The following DIXDC1 variants were observed in gnomAD, a reference collection of about 807,000 sequenced individuals.
DIXDC1 encodes the protein DIX domain containing 1.
Under a neutral mutation model 103.1 loss-of-function variants are expected in DIXDC1, and 64 were observed. The ratio of observed to expected loss-of-function variants is 0.62; its 90% CI spans 0.51 to 0.76. The LOEUF (loss-of-function observed/expected upper bound fraction) is 0.76. Ranked by LOEUF, DIXDC1 falls within the 30% of genes least tolerant of loss-of-function variation. The pLI, the probability that DIXDC1 is intolerant of heterozygous loss-of-function variation, is 0.00. For missense variants in DIXDC1, 759 were observed against 834.2 expected, an observed-to-expected ratio of 0.91 and a Z score of 1.11; for synonymous variants, 266 against 298.5, an observed-to-expected ratio of 0.89 and a Z score of 1.12.
rs587775641 is a variant in DIXDC1 at position 111,979,213 on chromosome 11, G to A, written c.657-1524G>A. On this transcript the variant is annotated intron_variant, in intron 5 of 19. Transcript: ENST00000440460. The stretch of plus-strand genomic sequence containing the variant: ...GCAAAGCCCCTAAAATACGGACAGT[G>A]AGGAGGATGAGACACTAGTCCTCAG... Among the ~76,000 whole-genome samples, 15 of 152,336 alleles carry A rather than the reference G, an allele frequency of 9.8e-5. No individual in the cohort carries two copies. In the South Asian group the frequency reaches 3.1e-3, roughly 32 times the overall value.
At chr11:111,992,273 C>T (rs781009596) in intron 10 of DIXDC1, 142 bp from the exon 11 acceptor site, 6 of 678,770 alleles carry the variant, frequency 8.8e-6, no homozygotes, top group Middle Eastern at 4.1e-4. Context: ...CTCAGCAACT[C>T]GTGGCAAGAC....
At chr11:111,932,058 G>T (rs1555167720) in intron 2 of DIXDC1, among the ~76,000 whole-genome samples, 1 of 129,090 alleles carries the variant, frequency 7.7e-6, no homozygotes, top group South Asian at 2.5e-4. Flanking sequence ...TTGAGACAGA[G>T]TCTCACTCTG....
intron 17 of DIXDC1, among the ~76,000 whole-genome samples, chr11:112,008,607 T>C (rs1315715089): frequency 6.6e-6 from 1 of 152,200 alleles, no homozygotes. Flanking sequence ...ACAAACTGTC[T>C]CTCAGACCAC....
Position 111,964,466 on chromosome 11 carries a change from C to CA in DIXDC1, c.61-82dup, listed in dbSNP as rs1859663911. ...TATGGGTTGTTTATTATACCCCAGT[C>CA]ACAAACGCTTCCTCAGAGGGTATGA... On this transcript the variant is annotated intron_variant, in intron 1 of 19. Coordinates refer to ENST00000440460, the MANE Select transcript of DIXDC1 (RefSeq NM_001037954.4). 7 of 1,506,238 alleles carry CA rather than the reference C, an allele frequency of 4.6e-6. No homozygotes were observed. The African/African-American group carries it at 7.0e-5, about 15-fold the overall frequency. 93.3% of individuals were successfully genotyped at this position (1,506,238 alleles called of 1,614,324 possible).
chr11:111,981,184 A>G (rs1183788206), intron 6 of DIXDC1, among the ~76,000 whole-genome samples: 2 of 152,226 alleles, frequency 1.3e-5, no homozygotes, highest in Non-Finnish European at 2.9e-5. Context: ...AAATAATTGC[A>G]GGACTTACAT....
At chr11:111,961,315 G>A (rs1859570018) in intron 1 of DIXDC1, among the ~76,000 whole-genome samples, 1 of 152,194 alleles carries the variant, frequency 6.6e-6, no homozygotes, top group Admixed American at 6.6e-5. Context: ...ATTTATTTAG[G>A]CAGCAGTGTG....
In DIXDC1 at chr11:111,998,190, C is replaced by CA. The variant is rs1482923502; in HGVS notation, c.1756+2045dup. Reference sequence around the variant, plus strand: ...CTTTCTTCTTCTTCAGTTTCAGTGTCATTCAGATATTCATTTAACATATTT... The same window carrying CA: ...CTTTCTTCTTCTTCAGTTTCAGTGTCAATTCAGATATTCATTTAACATATTT... On this transcript the variant is annotated intron_variant, in intron 17 of 19. Transcript: ENST00000440460. This position sits in a 1 kb window ranked among gnomAD's most constrained non-coding sequence, Gnocchi z 4.1. Among the ~76,000 whole-genome samples the CA allele has an allele frequency of 6.6e-6, 1 of 152,162 alleles. No individual in the cohort carries two copies. The highest frequency in any genetic ancestry group is 1.5e-5 in the Non-Finnish European group (1 of 68,032).
intron 17 of DIXDC1, among the ~76,000 whole-genome samples, chr11:112,014,888 CTT>C (rs200874690): frequency 9.0e-5 from 13 of 144,258 alleles, no homozygotes; most frequent in Non-Finnish European, 4.6e-5. Context: ...AATTGGCATT[CTT>C]TTTTTTTTTT....
chr11:111,975,797 CTATT>C, intron 5 of DIXDC1: 1 of 985,316 alleles, frequency 1.0e-6, no homozygotes, highest in Non-Finnish European at 1.2e-6. Flanking sequence ...TTTCTTCCTC[CTATT>C]TTTTTCTCAT....
intron 3 of DIXDC1, among the ~76,000 whole-genome samples, chr11:111,972,673 G>T (rs587712674): frequency 1.3e-5 from 2 of 152,284 alleles, no homozygotes; most frequent in South Asian, 4.1e-4. Flanking sequence ...TGCCTATGCT[G>T]AACTTCTTTC....
At chr11:111,966,228 C>CTTT (rs71060203) in intron 2 of DIXDC1, among the ~76,000 whole-genome samples, 91 of 91,642 alleles carry the variant, frequency 9.9e-4, no homozygotes, top group East Asian at 1.7e-3. Context: ...TTTTTTTTTC[C>CTTT]TTTTTTTTTT....
At chr11:111,999,787 AC>A (rs1395702353) in intron 17 of DIXDC1, among the ~76,000 whole-genome samples, 1 of 151,600 alleles carries the variant, frequency 6.6e-6, no homozygotes, top group Non-Finnish European at 1.5e-5. Flanking sequence ...ATCACTTGAA[AC>A]CGGGAGGCAG....
intron 3 of DIXDC1, 93 bp downstream of exon 3, chr11:111,968,731 T>C (rs1859815550): frequency 2.3e-6 from 3 of 1,282,886 alleles, no homozygotes; most frequent in African/African-American, 1.5e-5. Context: ...TGGGGGAAGA[T>C]AGAAAGTCTC....
In DIXDC1 at chr11:112,019,128, G is replaced by A; in HGVS notation, c.*92G>A. On this transcript the variant is annotated 3_prime_UTR_variant, in exon 20 of 20. Coordinates refer to ENST00000440460, the MANE Select transcript of DIXDC1 (RefSeq NM_001037954.4). ...AACTAAAACCAGAATACACTAAGAAGTTTCTAGTTTGTGTGCCAAAACAGA... is the reference window on the plus strand; with the variant it reads ...AACTAAAACCAGAATACACTAAGAAATTTCTAGTTTGTGTGCCAAAACAGA... The A allele has an allele frequency of 9.1e-7, 1 of 1,099,102 alleles. No individual in the cohort carries two copies. Among genetic ancestry groups the A allele is most frequent in the Non-Finnish European group, 1.3e-6 (1 of 750,606 alleles). 68.1% of individuals were successfully genotyped at this position (1,099,102 alleles called of 1,614,324 possible). A position where few individuals can be genotyped will look rare whatever the true frequency, so the allele number is the denominator to read the frequency against.
chr11:111,996,168 G>T, intron 17 of DIXDC1, 22 bp downstream of exon 17: 4 of 1,605,064 alleles, frequency 2.5e-6, no homozygotes, highest in Non-Finnish European at 3.4e-6. Flanking sequence ...TTTTTGCTCA[G>T]TAGGGACTCC....
rs587647890 is a variant in DIXDC1 at position 111,975,362 on chromosome 11, C to T, written c.656+379C>T. The T allele has an allele frequency of 2.2e-5, 23 of 1,062,180 alleles. No individual in the cohort carries two copies. The East Asian group carries it at 1.4e-3, about 64-fold the overall frequency. The allele number at this position is 1,062,180 out of a possible 1,614,324, so 65.8% of individuals were successfully genotyped here. Reference sequence around the variant, plus strand: ...TTGAGCCTAAGTGTAACTCTTAAGGCCGGAAAAGTCTGTGTAAAGCTCATA... The same window carrying T: ...TTGAGCCTAAGTGTAACTCTTAAGGTCGGAAAAGTCTGTGTAAAGCTCATA... On this transcript the variant is annotated intron_variant, in intron 5 of 19. Coordinates refer to ENST00000440460, the MANE Select transcript of DIXDC1 (RefSeq NM_001037954.4).
chr11:111,937,180 C>T, upstream of DIXDC1: 1 of 1,062,464 alleles, frequency 9.4e-7, no homozygotes, highest in South Asian at 4.5e-5. Context: ...GCGCCCTCGC[C>T]AGCCCGCCTG....
At chr11:111,941,784 C>G (rs1271844356) in intron 1 of DIXDC1, among the ~76,000 whole-genome samples, 15 of 151,648 alleles carry the variant, frequency 9.9e-5, no homozygotes, top group Admixed American at 9.2e-4. Context: ...TGCTACTGTT[C>G]TCCAGCCTGG....
At position 111,938,193 on chromosome 11, in the gene DIXDC1, C is replaced by A. The variant is rs118001259; in HGVS notation, c.60+634C>A. ...TGAGAGCAGAGGAACTGGGGCCTCA[C>A]TCTGACAGGCAAGATGGGCTAGGGC... On this transcript the variant is annotated intron_variant, in intron 1 of 19. Coordinates refer to ENST00000440460, the MANE Select transcript of DIXDC1 (RefSeq NM_001037954.4). 8.1e-3 allele frequency among the ~76,000 whole-genome samples: 1,230 copies of A among 152,326 alleles called. 7 individuals are homozygous for A. Among genetic ancestry groups the A allele is most frequent in the Middle Eastern group, 0.048 (14 of 292 alleles).
Sources: gnomAD v4.1 joint callset for allele counts (sites outside exome capture counted in the v4.1 genomes callset) on GRCh38, gnomAD v4.1.1 for gene constraint, Gnocchi (gnomAD v3.1) non-coding constraint, MANE v1.5 for transcripts, NCBI Gene and HGNC (gene_info 2026-07-23, HGNC 2026-07-21) for gene names.